EIF3E: variants seen among roughly 807,000 people sequenced by gnomAD.
The protein encoded by EIF3E is eIF-3 p48.
Under a neutral mutation model 59.3 loss-of-function variants are expected in EIF3E, and 25 were observed. The ratio of observed to expected loss-of-function variants is 0.42; its 90% CI spans 0.31 to 0.59. The LOEUF is 0.59. Among genes scored for constraint, EIF3E ranks in the 20% least tolerant of loss-of-function variants. EIF3E has a pLI of 0.15. For synonymous variants in EIF3E, 176 were observed against 170.2 expected, an observed-to-expected ratio of 1.03 and a Z score of -0.26; for missense variants, 317 against 534.3, an observed-to-expected ratio of 0.59 and a Z score of 4.01.
At chr8:108,223,363 G>T (rs763810514) in intron 7 of EIF3E, among the ~76,000 whole-genome samples, 5 of 152,180 alleles carry the variant, frequency 3.3e-5, no homozygotes, top group African/African-American at 1.2e-4. Context: ...TGAGGACCTT[G>T]GAGGTCATCC....
intron 4 of EIF3E, 134 bp from the exon 5 acceptor site, chr8:108,235,236 T>C (rs1815705133): frequency 1.2e-5 from 6 of 496,456 alleles, no homozygotes; most frequent in Middle Eastern, 5.4e-4. Context: ...ATGAGTCAAA[T>C]GTATCTCTGA....
chr8:108,202,766 A>G (rs1166566851), intron 12 of EIF3E, among the ~76,000 whole-genome samples: 2 of 152,092 alleles, frequency 1.3e-5, no homozygotes, highest in African/African-American at 4.8e-5. Flanking sequence ...AAAAATAGTT[A>G]TAATAAACTA....
In EIF3E at chr8:108,234,978, A is replaced by C. The variant is rs1031140522; in HGVS notation, c.471+20T>G. ...CAAAAGACAAAAAAAAAAAAAAAAA[A>C]AACATGTACTTATACTTACCAGCAC... On this transcript the variant is annotated intron_variant, in intron 5 of 12. Transcript: ENST00000220849. The C allele has an allele frequency of 2.5e-4, 350 of 1,375,552 alleles. 2 individuals are homozygous for C. In the African/African-American group the frequency reaches 3.5e-3, roughly 14 times the overall value. 85.2% of individuals were successfully genotyped at this position (1,375,552 alleles called of 1,614,324 possible).
At chr8:108,230,674 GTTA>G (rs1023702064) in intron 5 of EIF3E, among the ~76,000 whole-genome samples, 4 of 152,030 alleles carry the variant, frequency 2.6e-5, no homozygotes, top group Admixed American at 6.6e-5. Flanking sequence ...CCTGGTTCTA[GTTA>G]TTATCACAAA....
chr8:108,212,133 G>C (rs1190548585), intron 10 of EIF3E, among the ~76,000 whole-genome samples: 1 of 152,172 alleles, frequency 6.6e-6, no homozygotes, highest in Non-Finnish European at 1.5e-5. Context: ...TCAGTGTTTT[G>C]TAAAACTGTG....
In EIF3E at chr8:108,248,612, C is replaced by G; in HGVS notation, c.90+1G>C. ...TTCCTTGCGCCCAAAGACCCCCTCA[C>G]CTCCTTTACAGAGAGAAATTCAAGA... On this transcript the variant is annotated splice_donor_variant, in intron 1 of 12. Coordinates refer to ENST00000220849, the MANE Select transcript of EIF3E (RefSeq NM_001568.3). LOFTEE classifies it high-confidence loss of function. 1 of 1,613,932 alleles carries G rather than the reference C, an allele frequency of 6.2e-7. No homozygotes were observed. Among genetic ancestry groups the G allele is most frequent in the Non-Finnish European group, 8.5e-7 (1 of 1,179,924 alleles).
At chr8:108,218,998 C>A (rs1023937673) in intron 7 of EIF3E, among the ~76,000 whole-genome samples, 20 of 151,970 alleles carry the variant, frequency 1.3e-4, no homozygotes, top group Non-Finnish European at 2.2e-4. Context: ...GTTGGCCAGG[C>A]TGGTCTCGAA....
intron 3 of EIF3E, among the ~76,000 whole-genome samples, chr8:108,238,339 T>G (rs951450398): frequency 2.0e-5 from 3 of 152,106 alleles, no homozygotes; most frequent in Non-Finnish European, 4.4e-5. Context: ...TACCCCCTAC[T>G]CACGAGCCCC....
At chr8:108,216,787 A>C (rs1815313170) in intron 8 of EIF3E, among the ~76,000 whole-genome samples, 1 of 152,160 alleles carries the variant, frequency 6.6e-6, no homozygotes, top group Non-Finnish European at 1.5e-5. Flanking sequence ...TTGGTCAATA[A>C]ACAGTAATAA....
chr8:108,218,182 ATC>A (rs3837186), intron 7 of EIF3E, among the ~76,000 whole-genome samples: 75,910 of 151,628 alleles, frequency 0.5, 19,027 homozygotes, highest in African/African-American at 0.58. Context: ...TCTCAGAATT[ATC>A]TGTCAATAAA....
chr8:108,223,114 G>A lies in EIF3E; in HGVS notation c.722+5153C>T, dbSNP rs569377250. ...CTGTCTGTAACTATGCTTACAAGTT[G>A]GGGAGATGAAGCTATTATAAGTTTT... On this transcript the variant is annotated intron_variant, in intron 7 of 12. Transcript: ENST00000220849. 1.4e-4 allele frequency among the ~76,000 whole-genome samples: 21 copies of A among 152,212 alleles called. 2 individuals are homozygous for A. The South Asian group carries it at 3.9e-3, about 29-fold the overall frequency.
intron 7 of EIF3E, among the ~76,000 whole-genome samples, chr8:108,219,600 G>A (rs957416272): frequency 6.6e-6 from 1 of 152,156 alleles, no homozygotes; most frequent in Non-Finnish European, 1.5e-5. Flanking sequence ...AAACGGCCAG[G>A]TGCCATGACT....
chr8:108,247,040 A>C (rs1223227501), intron 1 of EIF3E, among the ~76,000 whole-genome samples: 1 of 152,124 alleles, frequency 6.6e-6, no homozygotes, highest in African/African-American at 2.4e-5. Context: ...GTACTTAGAA[A>C]TTGCTAATTA....
intron 10 of EIF3E, 136 bp from the exon 11 acceptor site, chr8:108,203,639 C>T (rs1815038704): frequency 3.0e-6 from 2 of 672,508 alleles, no homozygotes; most frequent in Non-Finnish European, 5.2e-6. Flanking sequence ...TACCATGACC[C>T]CTACTGTCTG....
rs1180256994 is a variant in EIF3E, at chr8:108,204,746, TAGAGAG to T, written c.1062-1249_1062-1244del. ...TAGTATGTATGTATATATATATATA[TAGAGAG>T]AGAGAGAGAGAGAGAGAGAGAGAGA... On this transcript the variant is annotated intron_variant, in intron 10 of 12. Coordinates refer to ENST00000220849, the MANE Select transcript of EIF3E (RefSeq NM_001568.3). Among the ~76,000 whole-genome samples, 322 of 113,682 alleles carry T rather than the reference TAGAGAG, an allele frequency of 2.8e-3. 2 individuals are homozygous for T. The highest frequency in any genetic ancestry group is 9.9e-3 in the African/African-American group (282 of 28,374). The allele number at this position is 113,682 out of a possible 152,430, so 74.6% of individuals were successfully genotyped here.
At chr8:108,210,760 C>T (rs201205351) in intron 10 of EIF3E, among the ~76,000 whole-genome samples, 2 of 151,396 alleles carry the variant, frequency 1.3e-5, no homozygotes, top group African/African-American at 4.8e-5. Context: ...CCCCACCCCA[C>T]GACAGGCCCC....
chr8:108,216,568 T>C (rs1213054537), intron 8 of EIF3E, 55 bp from the exon 9 acceptor site: 3 of 1,233,742 alleles, frequency 2.4e-6, no homozygotes, highest in Admixed American at 4.0e-5. Flanking sequence ...GTTTAGCAGA[T>C]TGCCCCAGAA....
chr8:108,202,820 T>C (rs1670488845), intron 12 of EIF3E, among the ~76,000 whole-genome samples, 163 bp downstream of exon 12: 1 of 152,100 alleles, frequency 6.6e-6, no homozygotes, highest in South Asian at 2.1e-4. Flanking sequence ...ATGCATATAA[T>C]ACATCTAAGA....
At chr8:108,226,886 G>T (rs1318923254) in intron 7 of EIF3E, among the ~76,000 whole-genome samples, 1 of 152,156 alleles carries the variant, frequency 6.6e-6, no homozygotes, top group East Asian at 1.9e-4. Context: ...GAGGATATCA[G>T]CCAAGTATAT....
Sources: gnomAD v4.1 joint callset for allele counts (sites outside exome capture counted in the v4.1 genomes callset) on GRCh38, gnomAD v4.1.1 for gene constraint, MANE v1.5 for transcripts, NCBI Gene and HGNC (gene_info 2026-07-23, HGNC 2026-07-21) for gene names.